Variants in TBCK observed in about 807,000 individuals in gnomAD.
TBCK encodes TBC1 domain containing kinase.
Under a neutral mutation model 113.4 loss-of-function variants are expected in TBCK, and 99 were observed. The ratio of observed to expected loss-of-function variants is 0.87; its 90% CI spans 0.74 to 1.03. The LOEUF (loss-of-function observed/expected upper bound fraction) is 1.03. TBCK is among the 50% of genes least tolerant of loss of function. TBCK has a pLI of 0.00. For synonymous variants in TBCK, 369 were observed against 370.8 expected (o/e 1.00, Z 0.05); for missense variants, 1,045 against 1,061.3 (o/e 0.98, Z 0.21).
intron 23 of TBCK, among the ~76,000 whole-genome samples, chr4:106,150,903 A>G (rs2149680757): frequency 6.6e-6 from 1 of 152,158 alleles, no homozygotes; most frequent in South Asian, 2.1e-4. Context: ...TTGAGAACAT[A>G]CTATTTCTCA....
chr4:106,265,142 T>A (rs1021177921), intron 3 of TBCK, among the ~76,000 whole-genome samples: 2 of 151,944 alleles, frequency 1.3e-5, no homozygotes, highest in Non-Finnish European at 2.9e-5. Flanking sequence ...ACAGAAATAT[T>A]CACAAGGAAA....
intron 20 of TBCK, among the ~76,000 whole-genome samples, chr4:106,202,324 TAAG>T (rs1341236347): frequency 6.6e-6 from 1 of 151,892 alleles, no homozygotes; most frequent in Non-Finnish European, 1.5e-5. Context: ...AAAATACTAA[TAAG>T]AAAACAGAAG....
At chr4:106,116,102 G>T in intron 24 of TBCK, 101 bp downstream of exon 24, 1 of 1,141,376 alleles carries the variant, frequency 8.8e-7, no homozygotes, top group South Asian at 1.7e-5. Context: ...GAATTCAGAA[G>T]AATCCCAGAA....
At chr4:106,137,436 AGG>A (rs1481733619) in intron 23 of TBCK, among the ~76,000 whole-genome samples, 1 of 140,220 alleles carries the variant, frequency 7.1e-6, no homozygotes, top group East Asian at 2.0e-4. Flanking sequence ...CTCATGCAAG[AGG>A]GGGTACAGGC....
chr4:106,242,359 G>T, intron 12 of TBCK, 111 bp downstream of exon 12: 1 of 597,522 alleles, frequency 1.7e-6, no homozygotes, highest in Non-Finnish European at 2.7e-6. Flanking sequence ...TTTTACAGAA[G>T]CTCTCCCATA....
intron 23 of TBCK, among the ~76,000 whole-genome samples, chr4:106,153,460 C>T (rs1748755239): frequency 6.6e-6 from 1 of 152,002 alleles, no homozygotes; most frequent in Admixed American, 6.6e-5. Context: ...TTTGCTTTGT[C>T]TTAAACATAT....
At chr4:106,233,149 AAGG>A in intron 16 of TBCK, 85 bp from the exon 17 acceptor site, 2 of 1,287,130 alleles carry the variant, frequency 1.6e-6, no homozygotes, top group Non-Finnish European at 1.1e-6. Flanking sequence ...AAATAAGGAA[AAGG>A]AGAAGCTATA....
intron 24 of TBCK, among the ~76,000 whole-genome samples, chr4:106,100,236 A>T (rs1487167600): frequency 6.6e-6 from 1 of 152,142 alleles, no homozygotes; most frequent in Non-Finnish European, 1.5e-5. Flanking sequence ...TCGTCTTTGA[A>T]TCTCTTGCAA....
chr4:106,238,173 T>C (rs1445412106), intron 12 of TBCK, among the ~76,000 whole-genome samples: 1 of 152,096 alleles, frequency 6.6e-6, no homozygotes, highest in Non-Finnish European at 1.5e-5. Context: ...GCTGAAATCA[T>C]ATATTTTGGA....
chr4:106,251,173 C>G (rs749590678), intron 6 of TBCK: 12 of 375,872 alleles, frequency 3.2e-5, no homozygotes, highest in South Asian at 2.5e-4. Flanking sequence ...CTTAATACCA[C>G]CTGAAGTTTC....
At chr4:106,053,938 A>G (rs1265578166) in intron 25 of TBCK, among the ~76,000 whole-genome samples, 1 of 151,690 alleles carries the variant, frequency 6.6e-6, no homozygotes, top group Non-Finnish European at 1.5e-5. Flanking sequence ...CACTGCCTGT[A>G]CTAATATTGT....
intron 25 of TBCK, among the ~76,000 whole-genome samples, chr4:106,072,372 T>G (rs747177919): frequency 6.6e-6 from 1 of 152,146 alleles, no homozygotes; most frequent in Non-Finnish European, 1.5e-5. Context: ...TTTGGCTGGA[T>G]ATGAAATTCT....
intron 25 of TBCK, among the ~76,000 whole-genome samples, chr4:106,068,388 G>A (rs1736920437): frequency 6.6e-6 from 1 of 152,092 alleles, no homozygotes; most frequent in East Asian, 1.9e-4. Context: ...ACCTATGAGT[G>A]AGAACATGTG....
At chr4:106,156,057 T>G (rs1749085181) in intron 23 of TBCK, among the ~76,000 whole-genome samples, 1 of 152,096 alleles carries the variant, frequency 6.6e-6, no homozygotes, top group African/African-American at 2.4e-5. Context: ...TCAGAAGACT[T>G]GAGTGTTGTG....
chr4:106,098,358 A>G (rs2149524454), intron 24 of TBCK, among the ~76,000 whole-genome samples: 1 of 152,200 alleles, frequency 6.6e-6, no homozygotes, highest in Non-Finnish European at 1.5e-5. Context: ...CCCAGTTCAG[A>G]GGAAATATTA....
chr4:106,299,382 A>G (rs1766676295), intron 2 of TBCK, among the ~76,000 whole-genome samples: 1 of 152,240 alleles, frequency 6.6e-6, no homozygotes, highest in Non-Finnish European at 1.5e-5. Context: ...TAAAATGTGC[A>G]TATTCCATTA....
At chr4:106,049,737 T>C (rs1239036962) in intron 25 of TBCK, among the ~76,000 whole-genome samples, 1 of 151,928 alleles carries the variant, frequency 6.6e-6, no homozygotes, top group East Asian at 1.9e-4. Context: ...ACATCCTTGG[T>C]GGGGGTGGCA....
At chr4:106,185,527 G>C (rs889554813) in intron 22 of TBCK, among the ~76,000 whole-genome samples, 1 of 151,948 alleles carries the variant, frequency 6.6e-6, no homozygotes, top group Non-Finnish European at 1.5e-5. Context: ...CTATAATTCT[G>C]CTTTAGATGG....
At chr4:106,097,975 A>G (rs1176858738) in intron 24 of TBCK, among the ~76,000 whole-genome samples, 1 of 152,102 alleles carries the variant, frequency 6.6e-6, no homozygotes. Context: ...GGAAAGAGAC[A>G]TGATAGAGAA....
Sources: gnomAD v4.1 joint callset for allele counts (sites outside exome capture counted in the v4.1 genomes callset) on GRCh38, gnomAD v4.1.1 for gene constraint, MANE v1.5 for transcripts, NCBI Gene and HGNC (gene_info 2026-07-23, HGNC 2026-07-21) for gene names.